Variants in PDE4D observed in about 807,000 individuals in gnomAD.
PDE4D encodes the protein 3',5'-cyclic-AMP phosphodiesterase 4D.
Under a neutral mutation model 87.4 loss-of-function variants are expected in PDE4D, and 24 were observed. The ratio of observed to expected loss-of-function variants is 0.27; its 90% confidence interval spans 0.20 to 0.39. The LOEUF (loss-of-function observed/expected upper bound fraction) is 0.39, where lower values mean the gene tolerates loss of function less well. Ranked by LOEUF, PDE4D falls within the 10% of genes least tolerant of loss-of-function variation. The pLI is 1.00. For synonymous variants in PDE4D, 384 were observed against 383.2 expected (o/e 1.00, Z -0.02); for missense variants, 714 against 1,041.0 (o/e 0.69, Z 4.32).
At chr5:59,464,203 C>G (rs999888934) in intron 1 of PDE4D, among the ~76,000 whole-genome samples, 1 of 150,358 alleles carries the variant, frequency 6.7e-6, no homozygotes, top group South Asian at 2.1e-4. Context: ...GCCCGACACC[C>G]GTAAAGGGTC....
intron 1 of PDE4D, among the ~76,000 whole-genome samples, chr5:60,215,057 G>C (rs892405411): frequency 4.6e-5 from 7 of 152,128 alleles, no homozygotes; most frequent in Non-Finnish European, 1.0e-4. Context: ...TTTAATTTAT[G>C]AGGTAGGCTA....
chr5:60,243,142 C>A (rs185579168), intron 1 of PDE4D, among the ~76,000 whole-genome samples: 3 of 151,886 alleles, frequency 2.0e-5, no homozygotes, highest in Admixed American at 2.0e-4. Context: ...GGAGACATTA[C>A]AACTGAGACT....
chr5:59,193,931 C>A lies in PDE4D; in HGVS notation c.648-395G>T, dbSNP rs538327161. 2.6e-4 allele frequency among the ~76,000 whole-genome samples: 40 copies of A among 152,168 alleles called. 1 individual carries two copies. The highest frequency in any genetic ancestry group is 4.6e-4 in the Non-Finnish European group (31 of 68,042). On this transcript the variant is annotated intron_variant, in intron 2 of 14. Coordinates refer to ENST00000340635, the MANE Select transcript of PDE4D (RefSeq NM_001104631.2). Reference sequence around the variant, plus strand: ...GTGACTTCAGTGAGAGAACCCTTGACCATCTAATATTTGAAGGTGATTAGC... The same window carrying A: ...GTGACTTCAGTGAGAGAACCCTTGAACATCTAATATTTGAAGGTGATTAGC...
In PDE4D at chr5:58,972,347, AAC is replaced by A. The variant is rs1742756454; in HGVS notation, c.*2315_*2316del. ...ATTACCATCTGATCTTTACAGAGGA[AAC>A]AGAGTAGAAACCTTGCAATTAACTA... On this transcript the variant is annotated 3_prime_UTR_variant, in exon 15 of 15. Transcript: ENST00000340635. 1 of 152,618 alleles carries A rather than the reference AAC, an allele frequency of 6.6e-6. No individual in the cohort carries two copies. Among genetic ancestry groups the A allele is most frequent in the East Asian group, 1.9e-4 (1 of 5,190 alleles). The allele number at this position is 152,618 out of a possible 1,614,324, so 9.5% of individuals were successfully genotyped here.
In PDE4D at chr5:59,747,669, G is replaced by A. The variant is rs576977072; in HGVS notation, c.455+145499C>T. ...TTTATCACAAAATAGAAGGAATTAA[G>A]AGACACTTTTCATACACTCTGAAAC... On this transcript the variant is annotated intron_variant, in intron 1 of 14. Transcript: ENST00000340635. 9.2e-5 allele frequency among the ~76,000 whole-genome samples: 14 copies of A among 152,230 alleles called. No individual in the cohort carries two copies. In the South Asian group the frequency reaches 2.3e-3, roughly 25 times the overall value.
At chr5:59,077,183 G>A (rs1048406758) in intron 5 of PDE4D, among the ~76,000 whole-genome samples, 1 of 152,010 alleles carries the variant, frequency 6.6e-6, no homozygotes, top group Non-Finnish European at 1.5e-5. Context: ...TATTAAAAAG[G>A]CATTATACTC....
At chr5:59,420,643 T>A (rs764875565) in intron 1 of PDE4D, among the ~76,000 whole-genome samples, 1 of 147,944 alleles carries the variant, frequency 6.8e-6, no homozygotes, top group Non-Finnish European at 1.5e-5. Context: ...AGGAGAAAAT[T>A]AGATTGTGTT....
chr5:59,497,574 G>A (rs1807449127), intron 1 of PDE4D, among the ~76,000 whole-genome samples: 3 of 151,942 alleles, frequency 2.0e-5, no homozygotes. Flanking sequence ...ACTATACCAA[G>A]CAGAAGAATG....
intron 1 of PDE4D, among the ~76,000 whole-genome samples, chr5:60,420,772 G>A (rs1311524420): frequency 1.3e-5 from 2 of 152,218 alleles, no homozygotes; most frequent in African/African-American, 4.8e-5. Flanking sequence ...AGTGCAAGGG[G>A]TTGGGGGATT....
intron 2 of PDE4D, among the ~76,000 whole-genome samples, chr5:60,174,133 A>G (rs1783712900): frequency 6.6e-6 from 1 of 152,126 alleles, no homozygotes; most frequent in Non-Finnish European, 1.5e-5. Context: ...CTAAAAGTAG[A>G]AATGGGAACT....
At chr5:59,022,914 G>T (rs539785958) in intron 6 of PDE4D, among the ~76,000 whole-genome samples, 1 of 152,172 alleles carries the variant, frequency 6.6e-6, no homozygotes, top group African/African-American at 2.4e-5. Context: ...AGTGGCTTAC[G>T]CCTGTAATCC....
chr5:59,464,363 G>T (rs984115436), intron 1 of PDE4D, among the ~76,000 whole-genome samples: 1 of 151,896 alleles, frequency 6.6e-6, no homozygotes, highest in African/African-American at 2.4e-5. Flanking sequence ...GGGAAAAACC[G>T]CCTTAAGGCT....
intron 5 of PDE4D, among the ~76,000 whole-genome samples, chr5:59,062,730 T>C (rs1481965880): frequency 1.5e-5 from 2 of 137,286 alleles, no homozygotes; most frequent in Non-Finnish European, 3.1e-5. Flanking sequence ...GCACTACCCA[T>C]GAAGCTTTCC....
chr5:59,452,502 G>A (rs573673341), intron 1 of PDE4D, among the ~76,000 whole-genome samples: 16 of 152,304 alleles, frequency 1.1e-4, no homozygotes, highest in African/African-American at 3.4e-4. Context: ...GAGGGCTGAT[G>A]TATGCAAGGA....
chr5:59,093,336 G>C (rs1372522053), intron 5 of PDE4D, among the ~76,000 whole-genome samples: 2 of 152,144 alleles, frequency 1.3e-5, no homozygotes, highest in East Asian at 1.9e-4. Flanking sequence ...TTCTTTTTTG[G>C]AGGAAATCGG....
At chr5:59,090,724 T>C (rs1445648414) in intron 5 of PDE4D, among the ~76,000 whole-genome samples, 1 of 150,596 alleles carries the variant, frequency 6.6e-6, no homozygotes, top group Non-Finnish European at 1.5e-5. Context: ...TTGCATTCTA[T>C]AATATATTCT....
intron 1 of PDE4D, among the ~76,000 whole-genome samples, chr5:59,650,762 A>G (rs1039999772): frequency 6.6e-6 from 1 of 152,214 alleles, no homozygotes; most frequent in Non-Finnish European, 1.5e-5. Context: ...TCTATTACCA[A>G]TTTGAAATGT....
At chr5:59,588,107 T>A (rs1825443710) in intron 1 of PDE4D, among the ~76,000 whole-genome samples, 1 of 152,188 alleles carries the variant, frequency 6.6e-6, no homozygotes, top group Non-Finnish European at 1.5e-5. Flanking sequence ...GGAAGCCGGT[T>A]CTGCAGAAGT....
At chr5:59,834,131 TTC>T (rs1272240531) in intron 1 of PDE4D, among the ~76,000 whole-genome samples, 1 of 152,068 alleles carries the variant, frequency 6.6e-6, no homozygotes, top group Non-Finnish European at 1.5e-5. Context: ...CCTCTGCCAC[TTC>T]TCTCTGTCTA....
Sources: gnomAD v4.1 joint callset for allele counts (sites outside exome capture counted in the v4.1 genomes callset) on GRCh38, gnomAD v4.1.1 for gene constraint, MANE v1.5 for transcripts, NCBI Gene and HGNC (gene_info 2026-07-23, HGNC 2026-07-21) for gene names.